The following MOB3B variants were observed in gnomAD, a reference collection of about 807,000 sequenced individuals.
The protein encoded by MOB3B is MOB kinase activator 3B, also known as MOB kinase activator-like 2B.
Under a neutral mutation model 18.7 loss-of-function variants are expected in MOB3B, and 7 were observed. The observed-to-expected ratio is 0.37, with a 90% CI of 0.21 to 0.70. The LOEUF is 0.70. Among genes scored for constraint, MOB3B ranks in the 30% least tolerant of loss-of-function variants. MOB3B has a pLI of 0.52. For synonymous variants in MOB3B, 111 were observed against 99.9 expected, an observed-to-expected ratio of 1.11 and a Z score of -0.66; for missense variants, 253 against 281.3, an observed-to-expected ratio of 0.90 and a Z score of 0.72.
At chr9:27,493,365 T>A (rs1438626816) in intron 1 of MOB3B, among the ~76,000 whole-genome samples, 1 of 152,162 alleles carries the variant, frequency 6.6e-6, no homozygotes, top group Non-Finnish European at 1.5e-5. Context: ...TTCAGGCTGG[T>A]CGTGGTGGCT....
At chr9:27,522,347 T>C (rs1474840698) in intron 1 of MOB3B, among the ~76,000 whole-genome samples, 1 of 130,496 alleles carries the variant, frequency 7.7e-6, no homozygotes, top group Non-Finnish European at 1.7e-5. Context: ...AATATAAAAA[T>C]AAAAACCACC....
At chr9:27,358,889 T>C (rs1298201764) in intron 3 of MOB3B, 145 bp downstream of exon 3, 2 of 857,452 alleles carry the variant, frequency 2.3e-6, no homozygotes, top group East Asian at 4.8e-5. Context: ...GGCTGTTAGT[T>C]GACCACTAAA....
rs570929475 is a variant in MOB3B, at chr9:27,513,954, C to T, written c.-199+15601G>A. On this transcript the variant is annotated intron_variant, in intron 1 of 3. Transcript: ENST00000262244. ...TGGGTGGGTGGATGGATGGAATAAA[C>T]ATGCAGTAGATACTTTCTGAATTAT... Among the ~76,000 whole-genome samples the T allele has an allele frequency of 2.8e-4, 43 of 151,968 alleles. No homozygotes were observed. In the South Asian group the frequency reaches 8.5e-3, roughly 30 times the overall value.
At chr9:27,470,114 G>GA (rs751414011) in intron 1 of MOB3B, among the ~76,000 whole-genome samples, 3 of 125,968 alleles carry the variant, frequency 2.4e-5, no homozygotes, top group Non-Finnish European at 3.2e-5. Context: ...TCTCTTAAAA[G>GA]AAAAAAAAAA....
chr9:27,355,266 G>A (rs901783064), intron 3 of MOB3B, among the ~76,000 whole-genome samples: 3 of 152,228 alleles, frequency 2.0e-5, no homozygotes, highest in South Asian at 2.1e-4. Context: ...AAGATGAGGT[G>A]GTGGGGGGGT....
chr9:27,388,384 A>G (rs1821676038), intron 2 of MOB3B, among the ~76,000 whole-genome samples: 1 of 152,200 alleles, frequency 6.6e-6, no homozygotes. Flanking sequence ...TCATATTAGC[A>G]CTGACCAGGG....
chr9:27,335,432 G>A (rs1214762099), intron 3 of MOB3B, among the ~76,000 whole-genome samples: 3 of 152,226 alleles, frequency 2.0e-5, no homozygotes, highest in Non-Finnish European at 2.9e-5. Context: ...TGATTCGAAA[G>A]AGGCAATTTG....
Position 27,500,799 on chromosome 9 carries a change from G to C in MOB3B, c.-199+28756C>G, listed in dbSNP as rs184526352. Among the ~76,000 whole-genome samples the C allele has an allele frequency of 4.5e-3, 689 of 152,244 alleles. 2 individuals carry two copies. Among genetic ancestry groups the C allele is most frequent in the Non-Finnish European group, 7.0e-3 (478 of 68,004 alleles). Reference sequence around the variant, plus strand: ...TGCACAGCAAAAGAAACTACCATCAGAGTGAACAGGCAACCTACAGAATGG... The same window carrying C: ...TGCACAGCAAAAGAAACTACCATCACAGTGAACAGGCAACCTACAGAATGG... On this transcript the variant is annotated intron_variant, in intron 1 of 3. Coordinates refer to ENST00000262244, the MANE Select transcript of MOB3B (RefSeq NM_024761.5).
chr9:27,339,830 C>T (rs927726440), intron 3 of MOB3B, among the ~76,000 whole-genome samples: 5 of 152,226 alleles, frequency 3.3e-5, no homozygotes, highest in Admixed American at 1.3e-4. Context: ...GCATGGGCCA[C>T]GGGAGTAGGG....
At chr9:27,500,446 A>C (rs916919494) in intron 1 of MOB3B, among the ~76,000 whole-genome samples, 3 of 152,190 alleles carry the variant, frequency 2.0e-5, no homozygotes, top group East Asian at 1.9e-4. Context: ...TAACACCACA[A>C]ATCTACAACC....
intron 3 of MOB3B, among the ~76,000 whole-genome samples, chr9:27,354,240 T>G (rs1379402288): frequency 6.6e-6 from 1 of 152,212 alleles, no homozygotes; most frequent in African/African-American, 2.4e-5. Context: ...GTATTCCCAC[T>G]CAGAGGCCTG....
At chr9:27,502,070 T>C (rs560800614) in intron 1 of MOB3B, among the ~76,000 whole-genome samples, 2 of 152,294 alleles carry the variant, frequency 1.3e-5, no homozygotes, top group African/African-American at 2.4e-5. Flanking sequence ...ATTTCTTCCA[T>C]ATATACACGA....
At chr9:27,487,185 C>T (rs535372415) in intron 1 of MOB3B, among the ~76,000 whole-genome samples, 3 of 111,252 alleles carry the variant, frequency 2.7e-5, no homozygotes, top group Non-Finnish European at 3.7e-5. Context: ...CGTTGGGAGG[C>T]AATTCTCCAT....
At chr9:27,516,888 ACATCTC>A (rs1412281395) in intron 1 of MOB3B, among the ~76,000 whole-genome samples, 2 of 152,178 alleles carry the variant, frequency 1.3e-5, no homozygotes, top group Non-Finnish European at 2.9e-5. Flanking sequence ...TGCTGGATAG[ACATCTC>A]CACTTAGCTA....
intron 3 of MOB3B, among the ~76,000 whole-genome samples, chr9:27,347,892 C>T (rs1821051824): frequency 6.6e-6 from 1 of 152,176 alleles, no homozygotes; most frequent in South Asian, 2.1e-4. Context: ...TGTGTAGTAG[C>T]TACACCATCT....
intron 2 of MOB3B, among the ~76,000 whole-genome samples, chr9:27,450,747 A>G (rs1295634241): frequency 2.6e-5 from 4 of 152,178 alleles, no homozygotes; most frequent in Non-Finnish European, 5.9e-5. Context: ...TGACTCCTAA[A>G]TATGTATTAG....
At chr9:27,439,954 G>C (rs1166295841) in intron 2 of MOB3B, among the ~76,000 whole-genome samples, 1 of 152,024 alleles carries the variant, frequency 6.6e-6, no homozygotes, top group African/African-American at 2.4e-5. Flanking sequence ...GGTGGTGGGG[G>C]GTAAGGCTGT....
intron 2 of MOB3B, among the ~76,000 whole-genome samples, chr9:27,412,794 T>G (rs560812049): frequency 2.6e-4 from 39 of 152,242 alleles, no homozygotes; most frequent in Admixed American, 4.6e-4. Flanking sequence ...TTATTATAGC[T>G]GGTCACTAAG....
At chr9:27,473,550 T>C (rs1366193470) in intron 1 of MOB3B, among the ~76,000 whole-genome samples, 1 of 152,058 alleles carries the variant, frequency 6.6e-6, no homozygotes, top group East Asian at 1.9e-4. Flanking sequence ...GCCATGGGCC[T>C]CTGGGGCAAC....
Sources: allele counts gnomAD v4.1 joint callset (sites outside exome capture counted in the v4.1 genomes callset), GRCh38; gene constraint gnomAD v4.1.1; transcripts MANE v1.5; gene names NCBI Gene and HGNC (gene_info 2026-07-23, HGNC 2026-07-21).